Variants in RP1 observed in about 807,000 individuals in gnomAD.
The protein encoded by RP1 is RP1 axonemal microtubule associated.
RP1 carries 16 observed loss-of-function variants against 14.8 expected under a neutral mutation model. That is an observed-to-expected ratio of 1.08 (90% CI 0.73 to 1.65). RP1 has a LOEUF of 1.65. Among genes scored for constraint, RP1 ranks in the 40% most tolerant of loss-of-function variants. The pLI is 0.00. For missense variants in RP1, 2,631 were observed against 2,535.0 expected (o/e 1.04, Z -0.81); for synonymous variants, 876 against 883.6 (o/e 0.99, Z 0.15).
chr8:54,623,721 T>A lies in RP1; in HGVS notation c.788-949T>A, dbSNP rs139683754. On this transcript the variant is annotated intron_variant, in intron 3 of 3. Coordinates refer to ENST00000220676, the MANE Select transcript of RP1 (RefSeq NM_006269.2). ...GTTCTCTCTTGTGCCCTATATTAAG[T>A]CAGCTGCAACGATTATACAAAGTGC... 7.5e-4 allele frequency among the ~76,000 whole-genome samples: 115 copies of A among 152,358 alleles called. 1 individual carries two copies. The highest frequency in any genetic ancestry group is 2.7e-3 in the African/African-American group (111 of 41,590).
chr8:54,850,239 G>T (rs1040279192), intron 25 of RP1, among the ~76,000 whole-genome samples: 1 of 152,192 alleles, frequency 6.6e-6, no homozygotes, highest in Non-Finnish European at 1.5e-5. Context: ...TCTGTAGCCT[G>T]AATGACAGGT....
At chr8:54,598,491 G>A (rs1328217416) in intron 1 of RP1, among the ~76,000 whole-genome samples, 1 of 151,944 alleles carries the variant, frequency 6.6e-6, no homozygotes, top group Non-Finnish European at 1.5e-5. Context: ...TGCTTCAATT[G>A]TCAAAAACAA....
intron 1 of RP1, among the ~76,000 whole-genome samples, chr8:54,595,933 C>T: frequency 6.6e-6 from 1 of 152,100 alleles, no homozygotes; most frequent in East Asian, 1.9e-4. Flanking sequence ...TAGCTTTTTT[C>T]ATTCTTTCAT....
At chr8:54,723,666 G>A (rs1455516119) in intron 16 of RP1, among the ~76,000 whole-genome samples, 3 of 152,108 alleles carry the variant, frequency 2.0e-5, no homozygotes, top group African/African-American at 7.2e-5. Context: ...TGGGTGATTT[G>A]AAAGTTTTCT....
chr8:54,584,334 G>A (rs987390864), intron 1 of RP1, among the ~76,000 whole-genome samples: 3 of 152,188 alleles, frequency 2.0e-5, no homozygotes, highest in African/African-American at 7.2e-5. Context: ...TTAATCCTGA[G>A]TTCTAGTTTG....
intron 1 of RP1, among the ~76,000 whole-genome samples, chr8:54,620,598 A>G (rs1283770963): frequency 6.6e-6 from 1 of 152,184 alleles, no homozygotes; most frequent in Non-Finnish European, 1.5e-5. Context: ...TTTTTCACTT[A>G]GTAATATGTC....
Position 54,788,142 on chromosome 8 carries a change from G to A in RP1, c.3615+4432G>A, listed in dbSNP as rs535501690. Among the ~76,000 whole-genome samples the A allele has an allele frequency of 6.6e-5, 10 of 152,312 alleles. No individual in the cohort carries two copies. In the South Asian group the frequency reaches 1.7e-3, roughly 25 times the overall value. ...TTTTCAGATGAATGAAGGCAGGAAG[G>A]CAGCTTGGCAGATGGCTGGTGGGTG... On this transcript the variant is annotated intron_variant, in intron 24 of 28. Coordinates refer to the RP1 transcript ENST00000637698.
chr8:54,669,324 G>A (rs906025828), intron 7 of RP1, among the ~76,000 whole-genome samples: 2 of 152,178 alleles, frequency 1.3e-5, no homozygotes, highest in African/African-American at 4.8e-5. Flanking sequence ...AAACCACAAT[G>A]AGATACCATC....
In RP1 at chr8:54,626,869, C is replaced by A; in HGVS notation, c.2987C>A (p.Ala996Asp). 8 of 1,613,736 alleles carry A rather than the reference C, an allele frequency of 5.0e-6. No homozygotes were observed. The highest frequency in any genetic ancestry group is 5.9e-6 in the Non-Finnish European group (7 of 1,179,946). The stretch of plus-strand genomic sequence containing the variant: ...AAAGAGGGAGATAAGTCTTTTATTG[C>A]CAATGACACTGGTGAAGAAGATCTC... ...LCKEGDKSFIANDTGEEDLHE... is the reference protein window; with the variant it reads ...LCKEGDKSFIDNDTGEEDLHE... Residue 996 changes from alanine (A) to aspartate (D), a missense_variant, in exon 4 of 4, where the codon GCC becomes GAC. Coordinates refer to ENST00000220676, the MANE Select transcript of RP1 (RefSeq NM_006269.2).
intron 15 of RP1, among the ~76,000 whole-genome samples, chr8:54,719,706 C>A (rs1808488969): frequency 6.6e-6 from 1 of 152,102 alleles, no homozygotes; most frequent in Admixed American, 6.5e-5. Context: ...TGCAGAATAG[C>A]ACAGAAAATT....
downstream of RP1, among the ~76,000 whole-genome samples, chr8:54,634,916 C>T (rs546273225): frequency 4.6e-5 from 7 of 152,078 alleles, no homozygotes; most frequent in Admixed American, 2.0e-4. Context: ...TCCATCTCTA[C>T]TAAAAATACA....
chr8:54,834,043 A>C (rs568439467), intron 24 of RP1, among the ~76,000 whole-genome samples: 2 of 152,224 alleles, frequency 1.3e-5, no homozygotes, highest in Non-Finnish European at 2.9e-5. Context: ...TAAAGAAAAG[A>C]AAGACAGAGC....
intron 22 of RP1, among the ~76,000 whole-genome samples, chr8:54,769,508 C>T (rs775209473): frequency 6.5e-4 from 99 of 151,880 alleles, no homozygotes; most frequent in Non-Finnish European, 4.4e-5. Context: ...GGGTTAGCAA[C>T]GTATATATTT....
rs869028794 is a variant in RP1, at chr8:54,650,255, CTTG to C, written c.951+1112_951+1114del. The stretch of plus-strand genomic sequence containing the variant: ...AGTTCTGGGATGGCTACATTAATCT[CTTG>C]TTGTAGAGGTGATGGCTTTATTAAA... On this transcript the variant is annotated intron_variant, in intron 4 of 22. Coordinates refer to the RP1 transcript ENST00000636932. Among the ~76,000 whole-genome samples, 9 of 152,208 alleles carry C rather than the reference CTTG, an allele frequency of 5.9e-5. No individual in the cohort carries two copies. In the East Asian group the frequency reaches 1.2e-3, roughly 20 times the overall value.
intron 15 of RP1, among the ~76,000 whole-genome samples, chr8:54,712,610 G>A (rs748488948): frequency 6.6e-6 from 1 of 152,024 alleles, no homozygotes; most frequent in Admixed American, 6.5e-5. Context: ...CCTTTACTCT[G>A]GTACTTTTAT....
At chr8:54,569,102 C>G (rs1804469112) in intron 1 of RP1, among the ~76,000 whole-genome samples, 1 of 152,078 alleles carries the variant, frequency 6.6e-6, no homozygotes, top group African/African-American at 2.4e-5. Context: ...AAGAAAAATG[C>G]CCAAAGTTAC....
intron 24 of RP1, among the ~76,000 whole-genome samples, chr8:54,792,399 C>T (rs182551082): frequency 3.0e-4 from 45 of 152,036 alleles, no homozygotes; most frequent in Non-Finnish European, 6.3e-4. Flanking sequence ...CATCCAACAA[C>T]AGAATACATA....
At chr8:54,643,800 A>C (rs2129323455) in intron 3 of RP1, among the ~76,000 whole-genome samples, 1 of 152,004 alleles carries the variant, frequency 6.6e-6, no homozygotes, top group South Asian at 2.1e-4. Context: ...GGAATGCCTG[A>C]CTCCATCTTT....
chr8:54,837,696 G>A, intron 25 of RP1: 1 of 1,165,632 alleles, frequency 8.6e-7, no homozygotes, highest in Non-Finnish European at 1.1e-6. Context: ...CCTTTGTGAT[G>A]TGTATTGAAA....
Sources: gnomAD v4.1 joint callset for allele counts (sites outside exome capture counted in the v4.1 genomes callset) on GRCh38, gnomAD v4.1.1 for gene constraint, MANE v1.5 for transcripts, NCBI Gene and HGNC (gene_info 2026-07-23, HGNC 2026-07-21) for gene names.